PRCP: variants seen among roughly 807,000 people sequenced by gnomAD.
PRCP encodes the protein prolylcarboxypeptidase.
Under a neutral mutation model 54.2 loss-of-function variants are expected in PRCP, and 46 were observed. That is an observed-to-expected ratio of 0.85 (90% CI 0.67 to 1.09). PRCP has a LOEUF of 1.09. Ranked by LOEUF, PRCP falls within the 50% of genes least tolerant of loss-of-function variation. PRCP has a pLI of 0.00. For missense variants in PRCP, 613 were observed against 596.8 expected, an observed-to-expected ratio of 1.03 and a Z score of -0.28; for synonymous variants, 240 against 212.2, an observed-to-expected ratio of 1.13 and a Z score of -1.14.
chr11:82,865,807 A>G (rs1859318000), intron 1 of PRCP, among the ~76,000 whole-genome samples: 1 of 152,172 alleles, frequency 6.6e-6, no homozygotes, highest in South Asian at 2.1e-4. Context: ...GAGTTCTTAA[A>G]TGGAGACTGA....
chr11:82,826,265 T>A (rs1565214540), intron 8 of PRCP: 1 of 152,252 alleles, frequency 6.6e-6, no homozygotes, highest in Non-Finnish European at 1.5e-5. Flanking sequence ...CAGCGTAATG[T>A]TTTCAAGTTT....
intron 1 of PRCP, among the ~76,000 whole-genome samples, chr11:82,888,738 C>G (rs1859927949): frequency 6.6e-6 from 1 of 152,192 alleles, no homozygotes; most frequent in Non-Finnish European, 1.5e-5. Context: ...ATCATGCTCT[C>G]CAAAGGATGT....
At chr11:82,894,856 C>G (rs973993307) in intron 1 of PRCP, among the ~76,000 whole-genome samples, 5 of 152,110 alleles carry the variant, frequency 3.3e-5, no homozygotes, top group African/African-American at 1.2e-4. Context: ...AGGGTAAATT[C>G]ATTACCATAT....
upstream of PRCP, chr11:82,900,461 C>T (rs1860252711): frequency 3.6e-5 from 56 of 1,563,784 alleles, 1 homozygote; most frequent in South Asian, 6.4e-4. Flanking sequence ...AGCAGAAGCG[C>T]ACAGGCTAAG....
At chr11:82,831,634 A>G (rs956985960) in intron 8 of PRCP, among the ~76,000 whole-genome samples, 1 of 152,210 alleles carries the variant, frequency 6.6e-6, no homozygotes, top group African/African-American at 2.4e-5. Flanking sequence ...CGGAAAAGCA[A>G]TCACACTTGG....
intron 2 of PRCP, among the ~76,000 whole-genome samples, chr11:82,856,532 G>A (rs1209956204): frequency 2.6e-5 from 4 of 152,130 alleles, no homozygotes; most frequent in Non-Finnish European, 5.9e-5. Flanking sequence ...GGCTAATAGT[G>A]CAGGGAGTGT....
At chr11:82,884,944 A>T in intron 1 of PRCP, 2 of 1,596,400 alleles carry the variant, frequency 1.3e-6, no homozygotes, top group Admixed American at 3.6e-5. Context: ...TTACTAGCAC[A>T]CACCTCCCAG....
At chr11:82,874,635 G>T (rs1859557396) in intron 1 of PRCP, among the ~76,000 whole-genome samples, 1 of 143,778 alleles carries the variant, frequency 7.0e-6, no homozygotes, top group Non-Finnish European at 1.5e-5. Context: ...AGGCTGCAAT[G>T]AACTGTGATC....
At chr11:82,844,900 T>C (rs1023877488) in intron 6 of PRCP, among the ~76,000 whole-genome samples, 1 of 152,016 alleles carries the variant, frequency 6.6e-6, no homozygotes. Flanking sequence ...TGCTGTCTCA[T>C]GCTTAATTTT....
intron 8 of PRCP, 52 bp downstream of exon 8, chr11:82,838,335 T>G (rs1359842072): frequency 6.6e-7 from 1 of 1,505,292 alleles, no homozygotes; most frequent in Admixed American, 1.9e-5. Flanking sequence ...TTTTCAGATA[T>G]TCTACAAATG....
At chr11:82,835,472 C>A in intron 8 of PRCP, 1 of 216,060 alleles carries the variant, frequency 4.6e-6, no homozygotes, top group Non-Finnish European at 9.2e-6. Context: ...CTGGGCTGTC[C>A]GAGTTCCCAT....
In PRCP at chr11:82,890,725, C is replaced by A. The variant is rs1327833072; in HGVS notation, c.168+9510G>T. 2.0e-5 allele frequency among the ~76,000 whole-genome samples: 3 copies of A among 152,218 alleles called. No individual in the cohort carries two copies. The East Asian group carries it at 5.8e-4, about 29-fold the overall frequency. ...CCAATGAGGCTTTCGCCTCCACTCA[C>A]CCTCTGAGGAAATTGCTGTCAAGGT... On this transcript the variant is annotated intron_variant, in intron 1 of 8. Coordinates refer to ENST00000313010, the MANE Select transcript of PRCP (RefSeq NM_005040.4).
intron 1 of PRCP, among the ~76,000 whole-genome samples, chr11:82,861,544 G>A (rs971348995): frequency 2.6e-5 from 4 of 152,124 alleles, no homozygotes; most frequent in African/African-American, 7.2e-5. Flanking sequence ...CAGGGATTAT[G>A]TATCTCCTCA....
At chr11:82,827,688 T>C (rs1858272212) in intron 8 of PRCP, 1 of 152,164 alleles carries the variant, frequency 6.6e-6, no homozygotes, top group Non-Finnish European at 1.5e-5. Flanking sequence ...AATCAGGAAG[T>C]GTGAGTTCTT....
chr11:82,826,138 T>A (rs907403685), intron 8 of PRCP: 3 of 152,218 alleles, frequency 2.0e-5, no homozygotes, highest in Non-Finnish European at 2.9e-5. Context: ...CCTGCCTTGC[T>A]CTCAGCCTCA....
At chr11:82,846,077 T>C (rs891125104) in intron 6 of PRCP, 10 of 152,158 alleles carry the variant, frequency 6.6e-5, no homozygotes, top group Admixed American at 5.2e-4. Flanking sequence ...CACCTGCTTT[T>C]TTTCATAACC....
rs537340188 is a variant in PRCP at position 82,886,929 on chromosome 11, A to G, written c.168+13306T>C. 2.0e-5 allele frequency among the ~76,000 whole-genome samples: 3 copies of G among 152,348 alleles called. No homozygotes were observed. The South Asian group carries it at 6.2e-4, about 32-fold the overall frequency. ...AGTCAATGAAAGCTACAGAGAAGGA[A>G]TATCCACACCGTGTGTATGTAAATG... On this transcript the variant is annotated intron_variant, in intron 1 of 8. Coordinates refer to ENST00000313010, the MANE Select transcript of PRCP (RefSeq NM_005040.4).
At chr11:82,862,684 T>C (rs1203030288) in intron 1 of PRCP, among the ~76,000 whole-genome samples, 2 of 152,236 alleles carry the variant, frequency 1.3e-5, no homozygotes, top group African/African-American at 2.4e-5. Context: ...ATCATCACCA[T>C]ATGTAGTCCT....
At chr11:82,844,732 CAA>C (rs11284339) in intron 6 of PRCP, among the ~76,000 whole-genome samples, 39 of 91,188 alleles carry the variant, frequency 4.3e-4, no homozygotes, top group East Asian at 6.1e-4. Flanking sequence ...GGCTCCGTCT[CAA>C]AAAAAAAAAA....
Sources: gnomAD v4.1 joint callset for allele counts (sites outside exome capture counted in the v4.1 genomes callset) on GRCh38, gnomAD v4.1.1 for gene constraint, MANE v1.5 for transcripts, NCBI Gene and HGNC (gene_info 2026-07-23, HGNC 2026-07-21) for gene names.